Variants in FHIT observed in about 807,000 individuals in gnomAD.
FHIT encodes the protein bis(5'-adenosyl)-triphosphatase.
FHIT carries 19 observed loss-of-function variants against 17.9 expected under a neutral mutation model. The ratio of observed to expected loss-of-function variants is 1.06; its 90% CI spans 0.74 to 1.56. The LOEUF (loss-of-function observed/expected upper bound fraction) is 1.56. Ranked by LOEUF, FHIT falls within the 40% of genes most tolerant of loss-of-function variation. The pLI is 0.00. For synonymous variants in FHIT, 81 were observed against 69.7 expected (o/e 1.16, Z -0.81); for missense variants, 248 against 189.2 (o/e 1.31, Z -1.82).
chr3:60,069,083 T>C (rs186290790), intron 5 of FHIT, among the ~76,000 whole-genome samples: 326 of 152,158 alleles, frequency 2.1e-3, no homozygotes, highest in Non-Finnish European at 3.7e-3. Context: ...AAGGTAATCA[T>C]AGAAAAATAT....
intron 4 of FHIT, among the ~76,000 whole-genome samples, chr3:60,671,859 A>C (rs1156361597): frequency 2.0e-5 from 3 of 152,028 alleles, no homozygotes; most frequent in African/African-American, 7.2e-5. Context: ...CTGAGGCAGC[A>C]GAATCACTTG....
chr3:60,630,045 T>C (rs1429482698), intron 4 of FHIT, among the ~76,000 whole-genome samples: 4 of 152,174 alleles, frequency 2.6e-5, no homozygotes, highest in African/African-American at 7.2e-5. Flanking sequence ...GGGCTATTTG[T>C]CTTATGTTAT....
chr3:60,112,278 A>G (rs866080431), intron 5 of FHIT, among the ~76,000 whole-genome samples: 2 of 152,144 alleles, frequency 1.3e-5, no homozygotes, highest in African/African-American at 4.8e-5. Context: ...ACCTCATGGA[A>G]CTTGTAAGGA....
intron 5 of FHIT, among the ~76,000 whole-genome samples, chr3:60,210,698 A>T (rs186690719): frequency 2.0e-5 from 3 of 152,182 alleles, no homozygotes; most frequent in Non-Finnish European, 4.4e-5. Context: ...CAATACTAAT[A>T]TAACATTCCT....
At chr3:60,007,203 T>C (rs114739542) in intron 7 of FHIT, among the ~76,000 whole-genome samples, 1,959 of 152,246 alleles carry the variant, frequency 0.013, 24 homozygotes, top group Non-Finnish European at 0.021. Context: ...TTCTAAAAGA[T>C]AGCTCACATT....
At chr3:60,030,222 T>C (rs999205790) in intron 5 of FHIT, among the ~76,000 whole-genome samples, 8 of 152,190 alleles carry the variant, frequency 5.3e-5, no homozygotes, top group African/African-American at 1.9e-4. Context: ...ATCAATACCA[T>C]GCATGTTCTA....
chr3:59,969,531 C>T (rs932245855), intron 7 of FHIT, among the ~76,000 whole-genome samples: 7 of 152,234 alleles, frequency 4.6e-5, no homozygotes, highest in African/African-American at 7.2e-5. Flanking sequence ...CTTTTCAGTT[C>T]CCCAAATTTG....
chr3:61,015,673 A>AGG (rs2032069690), intron 3 of FHIT, among the ~76,000 whole-genome samples: 1 of 152,328 alleles, frequency 6.6e-6, no homozygotes, highest in East Asian at 1.9e-4. Flanking sequence ...ATAAGAAATA[A>AGG]GGTGAAGAAC....
At chr3:60,155,112 A>G (rs1576214933) in intron 5 of FHIT, among the ~76,000 whole-genome samples, 1 of 151,036 alleles carries the variant, frequency 6.6e-6, no homozygotes, top group East Asian at 2.0e-4. Context: ...ACCTGAGCCC[A>G]GGAGGTCGAG....
At chr3:60,357,594 A>C (rs1699727482) in intron 5 of FHIT, among the ~76,000 whole-genome samples, 1 of 152,162 alleles carries the variant, frequency 6.6e-6, no homozygotes, top group Admixed American at 6.5e-5. Context: ...ATTTCTTGAC[A>C]AAGTTTTACA....
At chr3:60,059,697 C>T (rs1027336177) in intron 5 of FHIT, among the ~76,000 whole-genome samples, 11 of 152,074 alleles carry the variant, frequency 7.2e-5, no homozygotes, top group African/African-American at 2.4e-4. Flanking sequence ...GCCAGTAACC[C>T]AAATATTCAT....
At chr3:60,245,230 G>A (rs1433097923) in intron 5 of FHIT, among the ~76,000 whole-genome samples, 2 of 151,958 alleles carry the variant, frequency 1.3e-5, no homozygotes, top group African/African-American at 4.8e-5. Context: ...TCTGTATGTT[G>A]GCCCACTTTT....
At chr3:60,586,306 T>C (rs1553661926) in intron 4 of FHIT, among the ~76,000 whole-genome samples, 1 of 152,058 alleles carries the variant, frequency 6.6e-6, no homozygotes. Flanking sequence ...ATAGTTTCCA[T>C]GACTTGATCA....
chr3:60,690,784 C>G (rs1477737771), intron 4 of FHIT: 1 of 343,322 alleles, frequency 2.9e-6, no homozygotes, highest in African/African-American at 2.2e-5. Flanking sequence ...GAATTCTTAA[C>G]TTCAATTTCT....
At chr3:60,919,435 T>C (rs1707166757) in intron 3 of FHIT, among the ~76,000 whole-genome samples, 1 of 151,408 alleles carries the variant, frequency 6.6e-6, no homozygotes, top group Non-Finnish European at 1.5e-5. Context: ...ATATCTATTA[T>C]GATATGGGCA....
At chr3:61,210,571 G>A (rs1225764044) in intron 1 of FHIT, among the ~76,000 whole-genome samples, 1 of 152,166 alleles carries the variant, frequency 6.6e-6, no homozygotes, top group Non-Finnish European at 1.5e-5. Flanking sequence ...TGCTAGCAAT[G>A]AGTGAGGCTC....
At chr3:61,120,562 AC>A (rs2036427126) in intron 2 of FHIT, among the ~76,000 whole-genome samples, 1 of 152,120 alleles carries the variant, frequency 6.6e-6, no homozygotes, top group African/African-American at 2.4e-5. Context: ...GTGTCAGAAG[AC>A]TTTTCTCGTT....
At chr3:60,876,269 T>C (rs553046785) in intron 3 of FHIT, among the ~76,000 whole-genome samples, 3 of 152,252 alleles carry the variant, frequency 2.0e-5, no homozygotes, top group African/African-American at 4.8e-5. Context: ...GAATTTTGTA[T>C]CAAGTATTTG....
chr3:60,754,096 A>G (rs1288117494), intron 4 of FHIT, among the ~76,000 whole-genome samples: 1 of 152,184 alleles, frequency 6.6e-6, no homozygotes, highest in Non-Finnish European at 1.5e-5. Flanking sequence ...CTGAAGACCA[A>G]GGAAACATCA....
Sources: allele counts gnomAD v4.1 joint callset (sites outside exome capture counted in the v4.1 genomes callset), GRCh38; gene constraint gnomAD v4.1.1; transcripts MANE v1.5; gene names NCBI Gene and HGNC (gene_info 2026-07-23, HGNC 2026-07-21).